The following IL34 variants were observed in gnomAD, a reference collection of about 807,000 sequenced individuals.
IL34 encodes interleukin 34.
Under a neutral mutation model 25.3 loss-of-function variants are expected in IL34, and 17 were observed. That is an observed-to-expected ratio of 0.67 (90% confidence interval 0.46 to 1.01). IL34 has a LOEUF of 1.01. Among genes scored for constraint, IL34 ranks in the 50% least tolerant of loss-of-function variants. The pLI is 0.00. For missense variants in IL34, 368 were observed against 312.9 expected (o/e 1.18, Z -1.33); for synonymous variants, 174 against 140.9 (o/e 1.23, Z -1.66).
At chr16:70,654,695 G>T in intron 2 of IL34, 24 bp downstream of exon 2, 4 of 1,583,558 alleles carry the variant, frequency 2.5e-6, no homozygotes, top group Non-Finnish European at 3.5e-6. Context: ...CACCAGCTGT[G>T]TCCCTGTCCC....
chr16:70,650,960 C>T (rs893778372), intron 1 of IL34, among the ~76,000 whole-genome samples: 2 of 152,244 alleles, frequency 1.3e-5, no homozygotes, highest in African/African-American at 4.8e-5. Flanking sequence ...CCTGTAATCC[C>T]AGCACTTTGG....
chr16:70,582,235 C>T (rs2050643558), intron 1 of IL34, among the ~76,000 whole-genome samples: 1 of 152,264 alleles, frequency 6.6e-6, no homozygotes, highest in African/African-American at 2.4e-5. Context: ...TCAGGCCTCC[C>T]TCTGGGGGAC....
chr16:70,657,154 T>C, intron 4 of IL34, 33 bp downstream of exon 4: 6 of 1,603,878 alleles, frequency 3.7e-6, no homozygotes, highest in Non-Finnish European at 5.1e-6. Flanking sequence ...AGGTGGGGTG[T>C]GTGTGTGTGC....
chr16:70,592,611 A>G (rs1248837042), intron 1 of IL34, among the ~76,000 whole-genome samples: 1 of 152,176 alleles, frequency 6.6e-6, no homozygotes, highest in Non-Finnish European at 1.5e-5. Context: ...AAAAATCAGT[A>G]GACTTTTACA....
chr16:70,617,987 G>A (rs1316560958), intron 1 of IL34, among the ~76,000 whole-genome samples: 2 of 152,176 alleles, frequency 1.3e-5, no homozygotes, highest in African/African-American at 2.4e-5. Flanking sequence ...GTTGAGTAAA[G>A]CTAATTTGCC....
In IL34 at chr16:70,660,263, AG is replaced by A. The variant is rs1360276694; in HGVS notation, c.*80del. 1.5e-6 allele frequency: 2 copies of A among 1,371,352 alleles called. No homozygotes were observed. Among genetic ancestry groups the A allele is most frequent in the African/African-American group, 2.9e-5 (2 of 68,548 alleles). 84.9% of individuals were successfully genotyped at this position (1,371,352 alleles called of 1,614,324 possible). A position where few individuals can be genotyped will look rare whatever the true frequency, so the allele number is the denominator to read the frequency against. On this transcript the variant is annotated 3_prime_UTR_variant, in exon 6 of 6. Transcript: ENST00000288098. ...GAGTTCAACTGGGTCTGAGACTTCA[AG>A]GGGTGGTGGTGGGAGCCCCCCTTGG...
At chr16:70,628,913 G>A (rs36097154) in intron 1 of IL34, among the ~76,000 whole-genome samples, 50,345 of 151,176 alleles carry the variant, frequency 0.33, 8,490 homozygotes, top group South Asian at 0.47. Context: ...TCGGCCTCCC[G>A]AGGAGCTGGG....
intron 1 of IL34, among the ~76,000 whole-genome samples, chr16:70,610,745 A>G (rs1440454292): frequency 6.6e-6 from 1 of 152,196 alleles, no homozygotes; most frequent in African/African-American, 2.4e-5. Flanking sequence ...GGAATATTCC[A>G]GGAAGAGATA....
chr16:70,620,406 C>T (rs573240733), intron 1 of IL34, among the ~76,000 whole-genome samples: 1 of 151,474 alleles, frequency 6.6e-6, no homozygotes. Flanking sequence ...GCTAGTCACG[C>T]AACGAAACTG....
Position 70,659,702 on chromosome 16 carries a change from G to T in IL34, c.487G>T (p.Ala163Ser). The T allele has an allele frequency of 6.2e-7, 1 of 1,611,636 alleles. No individual in the cohort carries two copies. The highest frequency in any genetic ancestry group is 8.5e-7 in the Non-Finnish European group (1 of 1,178,964). ...AAACCTGAAGCTGGTGCGGCCCAAA[G>T]CCCTGCTGGACAACTGCTTCCGGGT... ...GPNLKLVRPK[A>S]LLDNCFRVME... Residue 163 changes from alanine (A) to serine (S), a missense_variant, in exon 5 of 6, where the codon GCC becomes TCC. Transcript: ENST00000288098.
Position 70,660,030 on chromosome 16 carries a change from G to A in IL34, c.572G>A (p.Cys191Tyr). The change falls in exon 6 of 6, where the codon TGT (cysteine) becomes TAT (tyrosine). Residue 191 changes from cysteine (C) to tyrosine (Y), a missense_variant. By Grantham distance (194) the Cys-to-Tyr change is radical (BLOSUM62 -2). Transcript: ENST00000288098. ...AGCTCCGTCCTAAACTGGCAGGACT[G>A]TGAGGTGCCAAGTCCTCAGTCTTGC... ...KQSSVLNWQDCEVPSPQSCSP... is the reference protein window; with the variant it reads ...KQSSVLNWQDYEVPSPQSCSP... 1.2e-6 allele frequency: 2 copies of A among 1,609,650 alleles called. No individual in the cohort carries two copies. The highest frequency in any genetic ancestry group is 1.7e-6 in the Non-Finnish European group (2 of 1,178,486).
At chr16:70,592,022 C>T (rs1044837071) in intron 1 of IL34, among the ~76,000 whole-genome samples, 6 of 152,196 alleles carry the variant, frequency 3.9e-5, no homozygotes, top group Middle Eastern at 3.4e-3. Flanking sequence ...TTAGGGTCTC[C>T]TCCAGGGTTC....
At chr16:70,641,314 C>A (rs1012968435) in intron 1 of IL34, among the ~76,000 whole-genome samples, 3 of 151,982 alleles carry the variant, frequency 2.0e-5, no homozygotes, top group African/African-American at 4.8e-5. Context: ...CAAAAACTTG[C>A]ACATGGATTT....
At chr16:70,639,339 T>G (rs2051728040) in intron 1 of IL34, among the ~76,000 whole-genome samples, 1 of 152,224 alleles carries the variant, frequency 6.6e-6, no homozygotes, top group African/African-American at 2.4e-5. Flanking sequence ...GACTGTCTGA[T>G]TTCAGGCAGA....
chr16:70,608,305 T>G (rs140932898), intron 1 of IL34, among the ~76,000 whole-genome samples: 1 of 151,672 alleles, frequency 6.6e-6, no homozygotes, highest in Non-Finnish European at 1.5e-5. Context: ...ATTTTTGTAT[T>G]TTTAGTAGGG....
chr16:70,625,263 C>G (rs1455582312), intron 1 of IL34, among the ~76,000 whole-genome samples: 2 of 148,796 alleles, frequency 1.3e-5, no homozygotes, highest in Admixed American at 1.4e-4. Flanking sequence ...GAGGCAAACC[C>G]AGAGAAAAGA....
chr16:70,616,640 G>A lies in IL34; in HGVS notation c.-400-29908G>A, dbSNP rs534312627. 2.0e-5 allele frequency among the ~76,000 whole-genome samples: 3 copies of A among 152,322 alleles called. No individual in the cohort carries two copies. The South Asian group carries it at 6.2e-4, about 32-fold the overall frequency. Reference sequence around the variant, plus strand: ...GTTCTTATAGGTTTTGGGATAGGCGGTGAAGTTAAGAGCAATGTTTTGCGG... The same window carrying A: ...GTTCTTATAGGTTTTGGGATAGGCGATGAAGTTAAGAGCAATGTTTTGCGG... On this transcript the variant is annotated intron_variant, in intron 1 of 6. Coordinates refer to the IL34 transcript ENST00000429149.
intron 2 of IL34, 89 bp downstream of exon 2, chr16:70,654,760 G>A: frequency 6.8e-7 from 1 of 1,478,978 alleles, no homozygotes; most frequent in Non-Finnish European, 9.1e-7. Flanking sequence ...CCCTTCTTAG[G>A]ACCTGTGTCA....
At position 70,660,058 on chromosome 16, in the gene IL34, C is replaced by T; in HGVS notation, c.600C>T (p.Ser200=). 1 of 1,613,562 alleles carries T rather than the reference C, an allele frequency of 6.2e-7. No individual in the cohort carries two copies. Among genetic ancestry groups the T allele is most frequent in the Non-Finnish European group, 8.5e-7 (1 of 1,179,788 alleles). The change falls in exon 6 of 6, where the codon AGC becomes AGT. Residue 200 remains serine (S), a synonymous_variant. Coordinates refer to ENST00000288098, the MANE Select transcript of IL34 (RefSeq NM_001393494.1). ...DCEVPSPQSC[S]PEPSLQYAAT... ...AGGTGCCAAGTCCTCAGTCTTGCAG[C>T]CCAGAGCCCTCATTGCAGTATGCGG...
Sources: allele counts gnomAD v4.1 joint callset (sites outside exome capture counted in the v4.1 genomes callset), GRCh38; gene constraint gnomAD v4.1.1; transcripts MANE v1.5; gene names NCBI Gene and HGNC (gene_info 2026-07-23, HGNC 2026-07-21).